ZNG1B: variants seen among roughly 807,000 people sequenced by gnomAD.
ZNG1B encodes Zn regulated GTPase metalloprotein activator 1B, also known as zinc-regulated GTPase metalloprotein activator 1B.
At chr2:113,439,200 G>C in the ZNG1B span, 17 of 1,345,490 alleles carry the variant, frequency 1.3e-5, no homozygotes, top group Non-Finnish European at 1.6e-5. Flanking sequence ...TGAATCTAGG[G>C]ATAGTTTCAC....
the ZNG1B span, among the ~76,000 whole-genome samples, chr2:113,473,113 C>T: frequency 6.7e-6 from 1 of 150,214 alleles, no homozygotes; most frequent in Non-Finnish European, 1.5e-5. Context: ...TCTTCCTACC[C>T]ATGAGCATGG....
chr2:113,451,647 C>G, the ZNG1B span, among the ~76,000 whole-genome samples: 1 of 152,160 alleles, frequency 6.6e-6, no homozygotes, highest in Non-Finnish European at 1.5e-5. Flanking sequence ...GTTTGAGAGC[C>G]ACTGATCAAT....
At chr2:113,488,430 C>T in the ZNG1B span, among the ~76,000 whole-genome samples, 7 of 151,950 alleles carry the variant, frequency 4.6e-5, no homozygotes, top group South Asian at 2.1e-4. Context: ...ACCAGAAAAC[C>T]GACCCTGGTA....
At chr2:113,450,139 A>T in the ZNG1B span, among the ~76,000 whole-genome samples, 5 of 151,494 alleles carry the variant, frequency 3.3e-5, no homozygotes, top group African/African-American at 1.2e-4. Context: ...AACAAGGTAT[A>T]TCTAAGTGTC....
the ZNG1B span, among the ~76,000 whole-genome samples, chr2:113,483,115 A>C: frequency 1.3e-5 from 2 of 152,294 alleles, no homozygotes; most frequent in South Asian, 2.1e-4. Flanking sequence ...TGGTAAAAAA[A>C]CAAAAAACCC....
the ZNG1B span, among the ~76,000 whole-genome samples, chr2:113,472,701 T>A: frequency 6.6e-6 from 1 of 151,862 alleles, no homozygotes; most frequent in Admixed American, 6.6e-5. Flanking sequence ...GCTTTCTACA[T>A]ATGGCTAGCC....
chr2:113,446,036 G>T, the ZNG1B span, among the ~76,000 whole-genome samples: 1 of 151,530 alleles, frequency 6.6e-6, no homozygotes, highest in Admixed American at 6.6e-5. Flanking sequence ...GTAGGCATGG[G>T]TTTTCATACC....
the ZNG1B span, among the ~76,000 whole-genome samples, chr2:113,474,095 C>A: frequency 1.3e-5 from 2 of 151,882 alleles, no homozygotes; most frequent in Non-Finnish European, 2.9e-5. Context: ...TGGTAGAATT[C>A]GGCTGTGAAT....
the ZNG1B span, among the ~76,000 whole-genome samples, chr2:113,485,193 C>G: frequency 0.59 from 72,918 of 124,004 alleles, 22,556 homozygotes; most frequent in African/African-American, 0.71. Flanking sequence ...TTTTTTTGAC[C>G]GGAAGAAGTA....
chr2:113,478,012 A>G, the ZNG1B span, among the ~76,000 whole-genome samples: 1 of 152,152 alleles, frequency 6.6e-6, no homozygotes, highest in African/African-American at 2.4e-5. Flanking sequence ...TTAAGTCTGA[A>G]TAATATTCCA....
chr2:113,442,687 C>T, the ZNG1B span, among the ~76,000 whole-genome samples: 2 of 151,702 alleles, frequency 1.3e-5, no homozygotes, highest in Admixed American at 1.3e-4. Context: ...TTCATGTTTC[C>T]TTAATGTTCT....
At chr2:113,471,167 T>C in the ZNG1B span, 5 of 1,234,432 alleles carry the variant, frequency 4.1e-6, no homozygotes, top group Non-Finnish European at 3.5e-6. Flanking sequence ...ATTTGCACAA[T>C]TGCATCCATG....
the ZNG1B span, chr2:113,481,854 T>C: frequency 4.0e-6 from 1 of 251,734 alleles, no homozygotes; most frequent in South Asian, 5.7e-5. Context: ...TATTTAAGTT[T>C]GTATTAAACC....
At chr2:113,441,283 C>G in the ZNG1B span, 2 of 1,284,556 alleles carry the variant, frequency 1.6e-6, no homozygotes, top group African/African-American at 3.0e-5. Flanking sequence ...CGTTAGGATT[C>G]TTTATATGTT....
the ZNG1B span, among the ~76,000 whole-genome samples, chr2:113,454,179 T>C: frequency 3.3e-5 from 5 of 152,172 alleles, no homozygotes; most frequent in African/African-American, 1.2e-4. Flanking sequence ...ATTCTTTTGT[T>C]ATCAGCATAT....
At chr2:113,474,681 A>G in the ZNG1B span, among the ~76,000 whole-genome samples, 1 of 147,154 alleles carries the variant, frequency 6.8e-6, no homozygotes, top group Admixed American at 6.8e-5. Context: ...AGATTCTGGT[A>G]TGTTGTGTCT....
the ZNG1B span, among the ~76,000 whole-genome samples, chr2:113,477,595 A>G: frequency 6.6e-6 from 1 of 152,176 alleles, no homozygotes; most frequent in Non-Finnish European, 1.5e-5. Context: ...CCTGTGGGGA[A>G]TCTTTTTGGT....
the ZNG1B span, among the ~76,000 whole-genome samples, chr2:113,439,520 A>T: frequency 6.6e-6 from 1 of 152,156 alleles, no homozygotes; most frequent in Non-Finnish European, 1.5e-5. Context: ...TATTCGTTGC[A>T]TGTTAGCCTT....
At chr2:113,489,510 C>T in the ZNG1B span, among the ~76,000 whole-genome samples, 2 of 152,034 alleles carry the variant, frequency 1.3e-5, no homozygotes, top group South Asian at 2.1e-4. Flanking sequence ...AGTGGTACCT[C>T]ACATCTCAAT....
Sources: gnomAD v4.1 joint callset for allele counts (sites outside exome capture counted in the v4.1 genomes callset) on GRCh38, gnomAD v4.1.1 for gene constraint, MANE v1.5 for transcripts, NCBI Gene and HGNC (gene_info 2026-07-23, HGNC 2026-07-21) for gene names.